The following NPAS3 variants were observed in gnomAD, a reference collection of about 807,000 sequenced individuals.
NPAS3 encodes neuronal PAS domain-containing protein 3.
Under a neutral mutation model 73.1 loss-of-function variants are expected in NPAS3, and 14 were observed. That is an observed-to-expected ratio of 0.19 (90% CI 0.13 to 0.30). The LOEUF (loss-of-function observed/expected upper bound fraction) is 0.30. Ranked by LOEUF, NPAS3 falls within the 10% of genes least tolerant of loss-of-function variation. NPAS3 has a pLI of 1.00. For synonymous variants in NPAS3, 620 were observed against 541.5 expected (o/e 1.14, Z -2.01); for missense variants, 1,096 against 1,250.0 (o/e 0.88, Z 1.86).
chr14:33,139,379 CCAAA>C (rs1278711232), intron 2 of NPAS3, among the ~76,000 whole-genome samples: 1 of 152,136 alleles, frequency 6.6e-6, no homozygotes. Flanking sequence ...ATTGTTACTT[CCAAA>C]ATTACAAATA....
intron 4 of NPAS3, among the ~76,000 whole-genome samples, chr14:33,372,407 T>C (rs1351542556): frequency 1.3e-5 from 2 of 152,202 alleles, no homozygotes; most frequent in Admixed American, 6.5e-5. Context: ...TCCCTTAAAA[T>C]TTGATTACTT....
At chr14:33,269,005 G>A (rs146798476) in intron 3 of NPAS3, among the ~76,000 whole-genome samples, 3 of 152,122 alleles carry the variant, frequency 2.0e-5, no homozygotes, top group Non-Finnish European at 2.9e-5. Flanking sequence ...AAGTATGGCC[G>A]GTAAAGCTGC....
intron 4 of NPAS3, among the ~76,000 whole-genome samples, chr14:33,556,986 C>T (rs892352480): frequency 6.6e-6 from 1 of 152,032 alleles, no homozygotes; most frequent in African/African-American, 2.4e-5. Context: ...GCTATCAGGT[C>T]GAATGGAAAA....
intron 5 of NPAS3, among the ~76,000 whole-genome samples, chr14:33,570,164 C>A (rs1429409382): frequency 1.3e-5 from 2 of 152,146 alleles, no homozygotes; most frequent in East Asian, 3.8e-4. Flanking sequence ...CAGAGGCATT[C>A]CATTTTAAGA....
At chr14:33,396,267 T>C (rs2138676153) in intron 4 of NPAS3, among the ~76,000 whole-genome samples, 1 of 152,300 alleles carries the variant, frequency 6.6e-6, no homozygotes, top group Non-Finnish European at 1.5e-5. Flanking sequence ...GATTCAACTC[T>C]CAGATTTTGA....
intron 3 of NPAS3, among the ~76,000 whole-genome samples, chr14:33,225,257 TA>T: frequency 6.6e-6 from 1 of 152,364 alleles, no homozygotes; most frequent in African/African-American, 2.4e-5. Flanking sequence ...GAGTCATACA[TA>T]AGTTTTCTTT....
At chr14:33,087,398 T>C (rs1311043217) in intron 2 of NPAS3, among the ~76,000 whole-genome samples, 1 of 151,810 alleles carries the variant, frequency 6.6e-6, no homozygotes, top group Non-Finnish European at 1.5e-5. Flanking sequence ...TTTCTGATGA[T>C]GTGATTATTA....
chr14:33,749,273 C>T (rs1267023072), intron 7 of NPAS3, among the ~76,000 whole-genome samples: 1 of 152,162 alleles, frequency 6.6e-6, no homozygotes, highest in African/African-American at 2.4e-5. Flanking sequence ...AAATAACACA[C>T]AGCATCATGT....
At chr14:33,460,478 C>T (rs2050211357) in intron 4 of NPAS3, among the ~76,000 whole-genome samples, 1 of 152,122 alleles carries the variant, frequency 6.6e-6, no homozygotes, top group Non-Finnish European at 1.5e-5. Flanking sequence ...AATGCTTTTG[C>T]ACTTGTGGAA....
intron 5 of NPAS3, among the ~76,000 whole-genome samples, chr14:33,580,816 G>T (rs533252709): frequency 7.8e-4 from 119 of 151,904 alleles, no homozygotes; most frequent in Non-Finnish European, 1.6e-3. Flanking sequence ...CTACCCCAGG[G>T]TGGCTTACTT....
intron 5 of NPAS3, among the ~76,000 whole-genome samples, chr14:33,637,730 A>G (rs1230109307): frequency 4.0e-5 from 6 of 151,816 alleles, no homozygotes; most frequent in Non-Finnish European, 8.8e-5. Context: ...GAACAGCTAC[A>G]GTTTTTATCC....
intron 5 of NPAS3, among the ~76,000 whole-genome samples, chr14:33,569,987 G>A (rs2056137060): frequency 6.6e-6 from 1 of 152,136 alleles, no homozygotes; most frequent in Non-Finnish European, 1.5e-5. Context: ...CCTGCCAGAT[G>A]ACTAAGTAAG....
chr14:33,038,895 T>C (rs2040259386), intron 1 of NPAS3, among the ~76,000 whole-genome samples: 3 of 152,228 alleles, frequency 2.0e-5, no homozygotes, highest in Admixed American at 2.0e-4. Flanking sequence ...TCATCAGTTA[T>C]CTTAGGACAG....
intron 3 of NPAS3, among the ~76,000 whole-genome samples, chr14:33,350,383 C>A (rs1267449406): frequency 2.0e-5 from 3 of 152,202 alleles, no homozygotes; most frequent in African/African-American, 7.2e-5. Context: ...TCCACATTTG[C>A]TAAATTTCAG....
chr14:33,164,518 A>G (rs1053668621), intron 2 of NPAS3, among the ~76,000 whole-genome samples: 21 of 152,094 alleles, frequency 1.4e-4, no homozygotes, highest in Admixed American at 1.0e-3. Context: ...ATATTTTAAA[A>G]TCTTCTTCAA....
At chr14:33,369,544 T>A (rs1320653480) in intron 4 of NPAS3, among the ~76,000 whole-genome samples, 1 of 152,066 alleles carries the variant, frequency 6.6e-6, no homozygotes, top group African/African-American at 2.4e-5. Context: ...TGGTCACACT[T>A]GGAATAAGTT....
intron 4 of NPAS3, among the ~76,000 whole-genome samples, chr14:33,397,010 CATT>C (rs1338955670): frequency 6.6e-6 from 1 of 152,052 alleles, no homozygotes; most frequent in Non-Finnish European, 1.5e-5. Flanking sequence ...ATGGTGGTGG[CATT>C]ATTATAACAG....
intron 4 of NPAS3, among the ~76,000 whole-genome samples, chr14:33,533,752 T>C (rs377149487): frequency 1.4e-4 from 22 of 152,250 alleles, no homozygotes; most frequent in Admixed American, 1.0e-3. Context: ...ATCACACCTG[T>C]ATGTGGTGAC....
chr14:33,163,038 C>G (rs896381724), intron 2 of NPAS3, among the ~76,000 whole-genome samples: 1 of 152,302 alleles, frequency 6.6e-6, no homozygotes, highest in Admixed American at 6.5e-5. Flanking sequence ...TCATGACAAC[C>G]TGACTCACCG....
Sources: gnomAD v4.1 joint callset for allele counts (sites outside exome capture counted in the v4.1 genomes callset) on GRCh38, gnomAD v4.1.1 for gene constraint, MANE v1.5 for transcripts, NCBI Gene and HGNC (gene_info 2026-07-23, HGNC 2026-07-21) for gene names.